TRPC6: variants seen among roughly 807,000 people sequenced by gnomAD.
TRPC6 encodes short transient receptor potential channel 6.
A neutral mutation model predicts 90.7 loss-of-function variants in TRPC6; 55 were observed. The observed-to-expected ratio is 0.61, with a 90% confidence interval of 0.49 to 0.76. The LOEUF (loss-of-function observed/expected upper bound fraction) is 0.76, where lower values mean the gene tolerates loss of function less well. TRPC6 is among the 30% of genes least tolerant of loss of function. TRPC6 has a pLI of 0.00. For synonymous variants in TRPC6, 393 were observed against 393.0 expected, an observed-to-expected ratio of 1.00 and a Z score of 0.00; for missense variants, 989 against 1,122.7, an observed-to-expected ratio of 0.88 and a Z score of 1.70.
intron 1 of TRPC6, among the ~76,000 whole-genome samples, chr11:101,546,846 A>C (rs75693637): frequency 0.01 from 1,539 of 152,308 alleles, 21 homozygotes; most frequent in Non-Finnish European, 0.014. Context: ...TAAATAAAGG[A>C]TGGTATATTT....
intron 2 of TRPC6, among the ~76,000 whole-genome samples, chr11:101,494,839 A>C (rs1436505175): frequency 6.6e-6 from 1 of 152,208 alleles, no homozygotes; most frequent in Non-Finnish European, 1.5e-5. Flanking sequence ...TAAAAAGGAG[A>C]GAGAGAAAGA....
At chr11:101,562,514 T>C (rs11224857) in intron 1 of TRPC6, among the ~76,000 whole-genome samples, 11,103 of 152,202 alleles carry the variant, frequency 0.073, 555 homozygotes, top group Non-Finnish European at 0.11. Flanking sequence ...AAAATGCTTG[T>C]TTCTATAAAA....
At chr11:101,541,337 T>C (rs1377943136) in intron 1 of TRPC6, among the ~76,000 whole-genome samples, 1 of 152,154 alleles carries the variant, frequency 6.6e-6, no homozygotes, top group African/African-American at 2.4e-5. Flanking sequence ...TTTAAACAAA[T>C]AAATTTCTTC....
At chr11:101,462,030 G>T (rs149630039) in intron 10 of TRPC6, among the ~76,000 whole-genome samples, 1 of 152,270 alleles carries the variant, frequency 6.6e-6, no homozygotes, top group Middle Eastern at 3.4e-3. Flanking sequence ...TCAGTTTTCT[G>T]CGTATGGCTA....
rs779728179 is a variant in TRPC6, at chr11:101,488,942, T to C, written c.1288A>G (p.Ser430Gly). The change falls in exon 4 of 13, where the codon AGC (serine) becomes GGC (glycine). Residue 430 changes from serine (S) to glycine (G), a missense_variant. Coordinates refer to ENST00000344327, the MANE Select transcript of TRPC6 (RefSeq NM_004621.6). ...TCCAGGCTTCACATACATACCTTGC[T>C]GCATGGAGCAAACCAGTAAATGAGA... Reference protein sequence around the residue: ...LALIYWFAPCSKMGKIMRGPF... With the variant: ...LALIYWFAPCGKMGKIMRGPF... The C allele has an allele frequency of 2.5e-6, 4 of 1,614,148 alleles. No homozygotes were observed. Among genetic ancestry groups the C allele is most frequent in the Non-Finnish European group, 3.4e-6 (4 of 1,180,002 alleles).
chr11:101,526,902 AAT>A (rs1197032562), intron 1 of TRPC6, among the ~76,000 whole-genome samples: 1 of 147,642 alleles, frequency 6.8e-6, no homozygotes, highest in Non-Finnish European at 1.5e-5. Context: ...AAAAAAATTA[AAT>A]AGTCTTAGTT....
intron 1 of TRPC6, among the ~76,000 whole-genome samples, chr11:101,555,576 C>T (rs1861544922): frequency 1.3e-5 from 2 of 152,124 alleles, no homozygotes; most frequent in Non-Finnish European, 2.9e-5. Flanking sequence ...TATGGATAAA[C>T]ATATTTCATC....
In TRPC6 at chr11:101,583,481, C is replaced by T. The variant is rs1305747872; in HGVS notation, c.23G>A (p.Gly8Glu). 2 of 1,510,158 alleles carry T rather than the reference C, an allele frequency of 1.3e-6. No individual in the cohort carries two copies. 93.5% of individuals were successfully genotyped at this position (1,510,158 alleles called of 1,614,324 possible). Residue 8 changes from glycine (G) to glutamate (E), a missense_variant, in exon 1 of 13, where the codon GGG (glycine) becomes GAG (glutamate). This residue lies in a region of TRPC6 where 194 missense variants were observed against 136.5 expected (regional missense o/e 1.42). Coordinates refer to ENST00000344327, the MANE Select transcript of TRPC6 (RefSeq NM_004621.6). The part of the protein sequence containing the change: MSQSPAF[G>E]PRRGSSPRGA... ...CCGGGGAGAACTGCCCCTCCGGGGC[C>T]CGAACGCCGGGCTCTGGCTCATGGC...
intron 10 of TRPC6, among the ~76,000 whole-genome samples, chr11:101,456,641 A>G (rs528326419): frequency 9.9e-5 from 15 of 152,170 alleles, no homozygotes; most frequent in Non-Finnish European, 2.1e-4. Context: ...TACAGACTAG[A>G]TGCCAGTCAC....
chr11:101,576,128 C>T (rs962399519), intron 1 of TRPC6, among the ~76,000 whole-genome samples: 2 of 152,148 alleles, frequency 1.3e-5, no homozygotes, highest in Admixed American at 1.3e-4. Context: ...CATTGTTTAA[C>T]ATTTCTAAAT....
chr11:101,513,781 A>T (rs1860451185), intron 1 of TRPC6, among the ~76,000 whole-genome samples: 1 of 152,256 alleles, frequency 6.6e-6, no homozygotes, highest in Non-Finnish European at 1.5e-5. Flanking sequence ...TATGAGGCTT[A>T]GGATGAACAA....
chr11:101,550,070 C>A (rs1338047045), intron 1 of TRPC6, among the ~76,000 whole-genome samples: 1 of 151,508 alleles, frequency 6.6e-6, no homozygotes. Context: ...TAATTCTATT[C>A]AGTTTTTGTG....
intron 1 of TRPC6, among the ~76,000 whole-genome samples, chr11:101,556,837 C>T (rs952292467): frequency 6.6e-6 from 1 of 152,102 alleles, no homozygotes; most frequent in Non-Finnish European, 1.5e-5. Context: ...AATTCAACAG[C>T]ACATTAAAAA....
intron 9 of TRPC6, among the ~76,000 whole-genome samples, chr11:101,470,163 A>G (rs564742054): frequency 6.6e-6 from 1 of 152,332 alleles, no homozygotes; most frequent in Admixed American, 6.5e-5. Flanking sequence ...GACTTCTTAC[A>G]ATGGTGGGAG....
intron 1 of TRPC6, among the ~76,000 whole-genome samples, chr11:101,574,393 T>C (rs1195986997): frequency 6.6e-6 from 1 of 151,312 alleles, no homozygotes; most frequent in African/African-American, 2.5e-5. Context: ...ATAATTTAAC[T>C]GATAACACTT....
intron 10 of TRPC6, among the ~76,000 whole-genome samples, chr11:101,458,812 G>A (rs1670901669): frequency 6.6e-6 from 1 of 152,166 alleles, no homozygotes; most frequent in African/African-American, 2.4e-5. Context: ...CAGTGTTTGT[G>A]CAGCTAACTA....
intron 4 of TRPC6, among the ~76,000 whole-genome samples, chr11:101,486,484 C>T (rs1374280061): frequency 6.6e-6 from 1 of 152,122 alleles, no homozygotes; most frequent in African/African-American, 2.4e-5. Flanking sequence ...AGCTACTCAA[C>T]ACCACTTAGA....
chr11:101,476,278 T>C (rs1449809676), intron 6 of TRPC6, 23 bp downstream of exon 6: 5 of 1,598,194 alleles, frequency 3.1e-6, no homozygotes, highest in South Asian at 1.1e-5. Context: ...TTTTTATTTA[T>C]ATTGACTGTA....
chr11:101,491,396 T>G (rs1004558184), intron 3 of TRPC6, 160 bp downstream of exon 3: 1 of 852,512 alleles, frequency 1.2e-6, no homozygotes, highest in African/African-American at 1.8e-5. Flanking sequence ...ATCGCACCAC[T>G]GCACTCCAGA....
Sources: gnomAD v4.1 joint callset for allele counts (sites outside exome capture counted in the v4.1 genomes callset) on GRCh38, gnomAD v4.1.1 for gene constraint, gnomAD v4.1.1 regional missense constraint, MANE v1.5 for transcripts, NCBI Gene and HGNC (gene_info 2026-07-23, HGNC 2026-07-21) for gene names.